The following FAM227A variants were observed in gnomAD, a reference collection of about 807,000 sequenced individuals.
FAM227A encodes family with sequence similarity 227 member A.
A neutral mutation model predicts 74.7 loss-of-function variants in FAM227A; 80 were observed. That is an observed-to-expected ratio of 1.07 (90% CI 0.89 to 1.29). FAM227A has a LOEUF of 1.29. Among genes scored for constraint, FAM227A ranks in the 50% most tolerant of loss-of-function variants. The probability of loss-of-function intolerance (pLI) is 0.00; values close to 1 mark genes in which losing one functional copy is unlikely to be tolerated. For synonymous variants in FAM227A, 237 were observed against 241.8 expected (o/e 0.98, Z 0.19); for missense variants, 654 against 683.4 (o/e 0.96, Z 0.48).
intron 3 of FAM227A, among the ~76,000 whole-genome samples, chr22:38,641,948 G>GGTGTGT (rs3042708): frequency 0.011 from 1,593 of 145,502 alleles, 21 homozygotes; most frequent in African/African-American, 0.031. Context: ...CTCCCGAAAA[G>GGTGTGT]GTGTGTGTGT....
At chr22:38,592,710 T>C (rs1481093671) in intron 15 of FAM227A, among the ~76,000 whole-genome samples, 1 of 152,196 alleles carries the variant, frequency 6.6e-6, no homozygotes, top group Non-Finnish European at 1.5e-5. Flanking sequence ...CTGGAGTCCT[T>C]GTAAATGAGA....
At chr22:38,645,753 A>G (rs1222671530) in intron 2 of FAM227A, 108 bp from the exon 3 acceptor site, 3 of 651,352 alleles carry the variant, frequency 4.6e-6, no homozygotes. Context: ...CTCTCTCCTT[A>G]ATTATTTTCT....
chr22:38,629,199 T>C (rs928039417), intron 6 of FAM227A, among the ~76,000 whole-genome samples: 3 of 152,136 alleles, frequency 2.0e-5, no homozygotes, highest in Non-Finnish European at 2.9e-5. Context: ...GGACAGCTGC[T>C]CCACACCAAC....
intron 2 of FAM227A, among the ~76,000 whole-genome samples, chr22:38,648,468 G>A (rs1177577705): frequency 6.6e-6 from 1 of 151,196 alleles, no homozygotes; most frequent in African/African-American, 2.4e-5. Flanking sequence ...TTAGCCAGAC[G>A]TGGTGGCACA....
At chr22:38,644,717 C>T (rs925876441) in intron 3 of FAM227A, among the ~76,000 whole-genome samples, 1 of 152,212 alleles carries the variant, frequency 6.6e-6, no homozygotes, top group South Asian at 2.1e-4. Context: ...GGAGATTGTG[C>T]ATGCGCAGGA....
intron 3 of FAM227A, among the ~76,000 whole-genome samples, chr22:38,643,851 T>C (rs1316730908): frequency 6.6e-6 from 1 of 152,096 alleles, no homozygotes; most frequent in Non-Finnish European, 1.5e-5. Context: ...AGATGGGTTG[T>C]TCCCAGAGGG....
Position 38,579,274 on chromosome 22 carries a change from A to G in FAM227A, c.*6851T>C, listed in dbSNP as rs2090686320. 6.6e-6 allele frequency: 1 copy of G among 152,154 alleles called. No homozygotes were observed. The highest frequency in any genetic ancestry group is 2.4e-5 in the African/African-American group (1 of 41,436). The allele number at this position is 152,154 out of a possible 1,614,324, so 9.4% of individuals were successfully genotyped here. ...GAGTTTCGGTATCTGAAAACCAAGAATAATATCGGCGCTGAGTTGTGAGAA... is the reference window on the plus strand; with the variant it reads ...GAGTTTCGGTATCTGAAAACCAAGAGTAATATCGGCGCTGAGTTGTGAGAA... On this transcript the variant is annotated 3_prime_UTR_variant, in exon 17 of 17. Transcript: ENST00000535113.
At chr22:38,639,784 G>A (rs1336397535) in intron 3 of FAM227A, 60 bp from the exon 4 acceptor site, 5 of 1,201,508 alleles carry the variant, frequency 4.2e-6, no homozygotes, top group Non-Finnish European at 4.8e-6. Flanking sequence ...GAGAAGGGTG[G>A]GGTTAGGGTC....
chr22:38,647,445 CAAAAA>C (rs762669712), intron 2 of FAM227A, among the ~76,000 whole-genome samples: 1 of 146,282 alleles, frequency 6.8e-6, no homozygotes, highest in Non-Finnish European at 1.5e-5. Context: ...GCCTGAGTGA[CAAAAA>C]AAAACAAAAC....
intron 9 of FAM227A, among the ~76,000 whole-genome samples, chr22:38,623,708 C>T (rs1398490486): frequency 6.6e-6 from 1 of 152,218 alleles, no homozygotes; most frequent in Non-Finnish European, 1.5e-5. Flanking sequence ...TATTTGTTTT[C>T]CATGTCCCCT....
At chr22:38,604,898 C>T (rs1404328937) in intron 13 of FAM227A, among the ~76,000 whole-genome samples, 1 of 152,178 alleles carries the variant, frequency 6.6e-6, no homozygotes, top group East Asian at 1.9e-4. Context: ...AGTGATCCAC[C>T]TGCGTCGGCC....
Position 38,582,473 on chromosome 22 carries a change from T to C in FAM227A, c.*3652A>G, listed in dbSNP as rs907773840. ...ATCCCACATTACAGCAAATGCTTTTTAAATGTTAGTTCCCTTTGATGCTCT... is the reference window on the plus strand; with the variant it reads ...ATCCCACATTACAGCAAATGCTTTTCAAATGTTAGTTCCCTTTGATGCTCT... On this transcript the variant is annotated 3_prime_UTR_variant, in exon 17 of 17. Coordinates refer to ENST00000535113, the MANE Select transcript of FAM227A (RefSeq NM_001013647.2). 2.0e-6 allele frequency: 3 copies of C among 1,494,562 alleles called. No individual in the cohort carries two copies. Among genetic ancestry groups the C allele is most frequent in the Non-Finnish European group, 1.8e-6 (2 of 1,099,496 alleles). 92.6% of individuals were successfully genotyped at this position (1,494,562 alleles called of 1,614,324 possible). A position where few individuals can be genotyped will look rare whatever the true frequency, so the allele number is the denominator to read the frequency against.
intron 16 of FAM227A, among the ~76,000 whole-genome samples, chr22:38,591,034 C>T (rs2090922502): frequency 6.6e-6 from 1 of 152,164 alleles, no homozygotes; most frequent in Non-Finnish European, 1.5e-5. Flanking sequence ...CCGCCCACCT[C>T]GGCCTCCCAA....
At chr22:38,620,092 C>G (rs1328510899) in intron 11 of FAM227A, 120 bp downstream of exon 11, 2 of 681,176 alleles carry the variant, frequency 2.9e-6, no homozygotes, top group Non-Finnish European at 2.5e-6. Flanking sequence ...ATGGAGTGGA[C>G]CTGGGCAAGG....
chr22:38,596,970 T>C (rs2091058443), intron 15 of FAM227A, among the ~76,000 whole-genome samples: 1 of 152,116 alleles, frequency 6.6e-6, no homozygotes, highest in African/African-American at 2.4e-5. Flanking sequence ...CCGGGTCCTT[T>C]GTTTGCTTTC....
At chr22:38,586,267 C>A (rs1267317639) in intron 16 of FAM227A, 68 bp from the exon 17 acceptor site, 1 of 1,512,066 alleles carries the variant, frequency 6.6e-7, no homozygotes, top group Non-Finnish European at 8.9e-7. Context: ...AAAGACTTTG[C>A]ACGTGAGCAG....
intron 13 of FAM227A, among the ~76,000 whole-genome samples, chr22:38,600,660 A>G (rs1346548642): frequency 6.6e-6 from 1 of 152,126 alleles, no homozygotes; most frequent in Non-Finnish European, 1.5e-5. Context: ...TATTTTATAG[A>G]AAATAATTTA....
intron 4 of FAM227A, 174 bp downstream of exon 4, chr22:38,639,481 G>A (rs983923495): frequency 1.4e-6 from 1 of 697,864 alleles, no homozygotes; most frequent in South Asian, 1.5e-5. Flanking sequence ...TCTCTAAATG[G>A]TACTGCCCCT....
At chr22:38,621,162 C>T (rs1486023596) in intron 10 of FAM227A, among the ~76,000 whole-genome samples, 1 of 151,796 alleles carries the variant, frequency 6.6e-6, no homozygotes, top group Non-Finnish European at 1.5e-5. Flanking sequence ...CATGGTGAAA[C>T]CCTGTCTCAC....
Sources: allele counts gnomAD v4.1 joint callset (sites outside exome capture counted in the v4.1 genomes callset), GRCh38; gene constraint gnomAD v4.1.1; transcripts MANE v1.5; gene names NCBI Gene and HGNC (gene_info 2026-07-23, HGNC 2026-07-21).